NTN1: variants seen among roughly 807,000 people sequenced by gnomAD.
NTN1 encodes the protein netrin 1, also known as netrin-1.
A neutral mutation model predicts 54.2 loss-of-function variants in NTN1; 11 were observed. That is an observed-to-expected ratio of 0.20 (90% CI 0.13 to 0.34). The LOEUF is 0.34. NTN1 is among the 10% of genes least tolerant of loss of function. The probability of loss-of-function intolerance (pLI) is 1.00; values close to 1 mark genes in which losing one functional copy is unlikely to be tolerated. For synonymous variants in NTN1, 371 were observed against 382.0 expected (o/e 0.97, Z 0.33); for missense variants, 740 against 893.1 (o/e 0.83, Z 2.18).
Position 9,059,145 on chromosome 17 carries a change from A to G in NTN1, c.1018+35754A>G, listed in dbSNP as rs375078634. ...TGCCTACCTGCTACGTGGCCGGCAC[A>G]TGCTGAATCCTGGGTTTAATATGAC... On this transcript the variant is annotated intron_variant, in intron 2 of 6. Coordinates refer to ENST00000173229, the MANE Select transcript of NTN1 (RefSeq NM_004822.3). 3.9e-5 allele frequency among the ~76,000 whole-genome samples: 6 copies of G among 152,308 alleles called. No homozygotes were observed. The East Asian group carries it at 1.2e-3, about 29-fold the overall frequency.
chr17:9,162,872 T>C lies in NTN1; in HGVS notation c.1078T>C (p.Ser360Pro). The change falls in exon 3 of 7, where the codon TCG (serine) becomes CCG (proline). Residue 360 changes from serine to proline, a missense_variant. Transcript: ENST00000173229. ...CTTCAACATGGAGCTCTACAAGCTT[T>C]CGGGGCGCAAGAGCGGAGGTGTCTG... ...CRFNMELYKL[S>P]GRKSGGVCLN... 1 of 1,614,088 alleles carries C rather than the reference T, an allele frequency of 6.2e-7. No homozygotes were observed. Among genetic ancestry groups the C allele is most frequent in the African/African-American group, 1.3e-5 (1 of 75,040 alleles).
rs1436571175 is a variant in NTN1, at chr17:9,110,790, C to CCCGTAGCA, written c.1019-52022_1019-52015dup. Among the ~76,000 whole-genome samples, 7 of 152,276 alleles carry CCCGTAGCA rather than the reference C, an allele frequency of 4.6e-5. No homozygotes were observed. In the East Asian group the frequency reaches 1.4e-3, roughly 29 times the overall value. ...CCCAGTTTCTGGTGGCTGCTGGCAACCCGTAGCATTCTTTACTTGTAGCCG... is the reference window on the plus strand; with the variant it reads ...CCCAGTTTCTGGTGGCTGCTGGCAACCCGTAGCACCGTAGCATTCTTTACTTGTAGCCG... On this transcript the variant is annotated intron_variant, in intron 2 of 6. Transcript: ENST00000173229.
chr17:9,153,087 G>A (rs545662204), intron 2 of NTN1, among the ~76,000 whole-genome samples: 1 of 152,280 alleles, frequency 6.6e-6, no homozygotes, highest in African/African-American at 2.4e-5. Flanking sequence ...TGGCCCACAT[G>A]GTGAAACCCT....
chr17:9,113,028 A>ATTT (rs370674364), intron 2 of NTN1, among the ~76,000 whole-genome samples: 1 of 143,342 alleles, frequency 7.0e-6, no homozygotes. Context: ...AATTTTTTTT[A>ATTT]TTTTTATTTT....
intron 3 of NTN1, 134 bp downstream of exon 3, chr17:9,163,135 TTC>T: frequency 1.3e-6 from 1 of 744,522 alleles, no homozygotes; most frequent in South Asian, 1.8e-5. Context: ...CTCTCTCTCT[TTC>T]TCTCTCTGTG....
At chr17:9,050,220 C>G (rs1254855823) in intron 2 of NTN1, among the ~76,000 whole-genome samples, 2 of 150,790 alleles carry the variant, frequency 1.3e-5, no homozygotes, top group East Asian at 3.9e-4. Context: ...GCACTCCAGC[C>G]TGGGCGACAG....
At chr17:9,011,274 G>A in the NTN1 span, among the ~76,000 whole-genome samples, 3 of 152,126 alleles carry the variant, frequency 2.0e-5, no homozygotes, top group Admixed American at 6.5e-5. Flanking sequence ...TTCCTGGTCT[G>A]GGGGTTAGGG....
chr17:9,237,531 C>G (rs923872001), intron 6 of NTN1, among the ~76,000 whole-genome samples: 1 of 152,200 alleles, frequency 6.6e-6, no homozygotes, highest in African/African-American at 2.4e-5. Context: ...ATGCTCGGAG[C>G]CTGGGATCAA....
intron 2 of NTN1, among the ~76,000 whole-genome samples, chr17:9,131,507 A>G (rs752626422): frequency 5.3e-5 from 8 of 149,568 alleles, no homozygotes; most frequent in Non-Finnish European, 7.4e-5. Context: ...CCTCTCCTCC[A>G]CTAGCCTCTG....
chr17:9,045,563 G>T (rs1388013489), intron 2 of NTN1, among the ~76,000 whole-genome samples: 3 of 152,200 alleles, frequency 2.0e-5, no homozygotes, highest in Non-Finnish European at 2.9e-5. Flanking sequence ...CTAAAGAGAG[G>T]AGTGTGTTTC....
At chr17:9,204,965 A>G (rs181829225) in intron 5 of NTN1, among the ~76,000 whole-genome samples, 16 of 150,214 alleles carry the variant, frequency 1.1e-4, no homozygotes, top group Non-Finnish European at 2.2e-4. Flanking sequence ...GCTCATTATC[A>G]GGCCTTTCAA....
the NTN1 span, among the ~76,000 whole-genome samples, chr17:9,003,658 C>G: frequency 6.6e-6 from 1 of 151,172 alleles, no homozygotes; most frequent in Non-Finnish European, 1.5e-5. The surrounding 1 kb of genome is among the most constrained non-coding windows in gnomAD (Gnocchi z 7.4). Context: ...CCTCGCTTTC[C>G]CCATCTCCAG....
At chr17:9,082,233 G>C (rs535681993) in intron 2 of NTN1, among the ~76,000 whole-genome samples, 1 of 152,164 alleles carries the variant, frequency 6.6e-6, no homozygotes, top group South Asian at 2.1e-4. Context: ...CTAATTTTTT[G>C]TATTTTTAAT....
At chr17:9,057,134 TC>T (rs1326705811) in intron 2 of NTN1, among the ~76,000 whole-genome samples, 1 of 150,434 alleles carries the variant, frequency 6.6e-6, no homozygotes, top group African/African-American at 2.4e-5. Context: ...TACCCCCTTC[TC>T]CCCCTCACCC....
the NTN1 span, among the ~76,000 whole-genome samples, chr17:9,012,266 C>A: frequency 1.6e-4 from 24 of 152,224 alleles, no homozygotes; most frequent in African/African-American, 5.8e-4. Flanking sequence ...AATCCCAGCA[C>A]TTTGGGAGGC....
intron 2 of NTN1, among the ~76,000 whole-genome samples, chr17:9,146,789 C>T (rs1292314181): frequency 6.6e-6 from 1 of 152,180 alleles, no homozygotes; most frequent in East Asian, 1.9e-4. Context: ...CTCTCCTTTC[C>T]TGGTCAGTCC....
intron 6 of NTN1, among the ~76,000 whole-genome samples, chr17:9,228,876 G>A (rs1448689571): frequency 1.6e-5 from 2 of 126,872 alleles, no homozygotes; most frequent in Non-Finnish European, 3.4e-5. Flanking sequence ...GTGTGTCTGT[G>A]TGTGACTACG....
intron 5 of NTN1, among the ~76,000 whole-genome samples, chr17:9,201,562 C>T (rs1176391328): frequency 6.6e-6 from 1 of 152,198 alleles, no homozygotes; most frequent in East Asian, 1.9e-4. Context: ...GAATAGAGCT[C>T]AATGGTGCCT....
chr17:9,043,322 G>A (rs1287300062), intron 2 of NTN1, among the ~76,000 whole-genome samples: 2 of 152,058 alleles, frequency 1.3e-5, no homozygotes, highest in Non-Finnish European at 2.9e-5. Context: ...TAGACCCTAT[G>A]CTAAATATTT....
Sources: gnomAD v4.1 joint callset for allele counts (sites outside exome capture counted in the v4.1 genomes callset) on GRCh38, gnomAD v4.1.1 for gene constraint, Gnocchi (gnomAD v3.1) non-coding constraint, MANE v1.5 for transcripts, NCBI Gene and HGNC (gene_info 2026-07-23, HGNC 2026-07-21) for gene names.